Variants in NEB observed in about 807,000 individuals in gnomAD.
NEB encodes nemaline myopathy type 2.
Under a neutral mutation model 952.2 loss-of-function variants are expected in NEB, and 512 were observed. That is an observed-to-expected ratio of 0.54 (90% CI 0.50 to 0.58). NEB has a LOEUF of 0.58. Ranked by LOEUF, NEB falls within the 20% of genes least tolerant of loss-of-function variation. The pLI, the probability that NEB is intolerant of heterozygous loss-of-function variation, is 0.00. For synonymous variants in NEB, 2,900 were observed against 3,149.8 expected (o/e 0.92, Z 2.66); for missense variants, 8,428 against 9,231.1 (o/e 0.91, Z 3.56).
Position 151,506,259 on chromosome 2 carries a change from C to T in NEB, c.23557-1G>A. On this transcript the variant is annotated splice_acceptor_variant, in intron 163 of 181. Coordinates refer to ENST00000397345, the MANE Select transcript of NEB (RefSeq NM_001164508.2). LOFTEE classifies it high-confidence loss of function. The stretch of plus-strand genomic sequence containing the variant: ...GTGAGACATCCTCTTTATATAAAAC[C>T]TGGGCATTCAGAATCAGGACAGTGT... 3 of 1,608,484 alleles carry T rather than the reference C, an allele frequency of 1.9e-6. No individual in the cohort carries two copies. The highest frequency in any genetic ancestry group is 2.6e-6 in the Non-Finnish European group (3 of 1,175,014).
At chr2:151,663,361 C>T (rs556472871) in intron 45 of NEB, among the ~76,000 whole-genome samples, 187 bp downstream of exon 45, 10 of 152,282 alleles carry the variant, frequency 6.6e-5, no homozygotes, top group Admixed American at 6.5e-4. Context: ...GAAAACAAGA[C>T]TTTAGTTTCT....
intron 151 of NEB, 104 bp from the exon 152 acceptor site, chr2:151,524,720 G>A (rs2084501150): frequency 2.2e-6 from 2 of 892,424 alleles, no homozygotes; most frequent in East Asian, 2.6e-5. Flanking sequence ...AGGCTTGAGT[G>A]CAGTGGTACA....
chr2:151,689,695 A>G (rs911625890), intron 24 of NEB: 16 of 152,346 alleles, frequency 1.1e-4, no homozygotes, highest in African/African-American at 3.4e-4. Context: ...ACCTAAGCCA[A>G]TAAGAAGAGT....
intron 164 of NEB, 81 bp from the exon 165 acceptor site, chr2:151,505,651 A>G (rs1559331251): frequency 2.5e-6 from 3 of 1,198,018 alleles, no homozygotes; most frequent in South Asian, 1.2e-5. Context: ...TGTTTTTTGT[A>G]GCCCCCAAAT....
intron 65 of NEB, 140 bp downstream of exon 65, chr2:151,633,514 C>G: frequency 8.0e-7 from 1 of 1,244,244 alleles, no homozygotes; most frequent in Non-Finnish European, 1.1e-6. Context: ...CATAATAAAG[C>G]AATAAAATTG....
At chr2:151,710,038 G>A (rs1394659611) in intron 11 of NEB, among the ~76,000 whole-genome samples, 1 of 152,178 alleles carries the variant, frequency 6.6e-6, no homozygotes, top group African/African-American at 2.4e-5. Flanking sequence ...GGGAACTTAA[G>A]AGAAAAGAAA....
At chr2:151,502,636 C>T (rs566465441) in intron 167 of NEB, among the ~76,000 whole-genome samples, 157 bp downstream of exon 167, 3 of 152,038 alleles carry the variant, frequency 2.0e-5, no homozygotes, top group South Asian at 4.2e-4. Context: ...AAATTTCACA[C>T]CAGAACTAAA....
In NEB at chr2:151,627,799, G is replaced by A. The variant is rs150283068; in HGVS notation, c.9867C>T (p.Gly3289=). 2.2e-5 allele frequency: 35 copies of A among 1,613,914 alleles called. No individual in the cohort carries two copies. The African/African-American group carries it at 4.4e-4, about 20-fold the overall frequency. Reference sequence around the variant, plus strand: ...CAATGTTCCGGGCTCCAATGTGGTGGCCGAGCTGCTTGCGGTAACCATCTT... The same window carrying A: ...CAATGTTCCGGGCTCCAATGTGGTGACCGAGCTGCTTGCGGTAACCATCTT... The part of the protein sequence containing the change: ...KYKDGYRKQL[G]HHIGARNIED... Residue 3289 remains glycine, a synonymous_variant, in exon 69 of 182, where the codon GGC becomes GGT. Coordinates refer to ENST00000397345, the MANE Select transcript of NEB (RefSeq NM_001164508.2).
chr2:151,563,864 G>A lies in NEB; in HGVS notation c.18538C>T (p.Pro6180Ser). 1 of 1,613,160 alleles carries A rather than the reference G, an allele frequency of 6.2e-7. No individual in the cohort carries two copies. The highest frequency in any genetic ancestry group is 1.1e-5 in the South Asian group (1 of 90,996). ...YGYTLDERYI[P>S]IVGAKHADLV... ...TCAGCATGCTTGGCTCCAACAATGG[G>A]AATGTAGCGCTCATCCAGGGTGTAG... Residue 6180 changes from proline to serine, a missense_variant, in exon 118 of 182, where the codon CCC (proline) becomes TCC (serine). Pro to Ser is a moderately conservative substitution (Grantham distance 74, BLOSUM62 -1). Transcript: ENST00000397345.
At position 151,678,177 on chromosome 2, in the gene NEB, TTG is replaced by T. The variant is rs2099386637; in HGVS notation, c.3264_3265del (p.Tyr1088Ter). 1 of 1,603,910 alleles carries T rather than the reference TTG, an allele frequency of 6.2e-7. No homozygotes were observed. Among genetic ancestry groups the T allele is most frequent in the Non-Finnish European group, 8.5e-7 (1 of 1,174,220 alleles). On this transcript the variant is annotated stop_gained and frameshift_variant, in exon 33 of 182. Coordinates refer to ENST00000397345, the MANE Select transcript of NEB (RefSeq NM_001164508.2). LOFTEE classifies it high-confidence loss of function. Reference sequence around the variant, plus strand: ...CCCTTTAGCCTTTTCATAGTCTTTTTTGTACTGAACCTATTGTAAACAAAGGT... The same window carrying T: ...CCCTTTAGCCTTTTCATAGTCTTTTTTACTGAACCTATTGTAAACAAAGGT...
intron 110 of NEB, among the ~76,000 whole-genome samples, chr2:151,569,062 A>T (rs766233628): frequency 1.3e-5 from 2 of 152,228 alleles, no homozygotes; most frequent in Non-Finnish European, 2.9e-5. Flanking sequence ...AATGCCAAGC[A>T]TCAGTGAGTG....
chr2:151,692,088 A>G lies in NEB; in HGVS notation c.2077T>C (p.Cys693Arg). Reference protein sequence around the residue: ...GSMEDPYHTHCMKVAAQNSDK... With the variant: ...GSMEDPYHTHRMKVAAQNSDK... ...CTGTTTTGAGCTGCAACTTTCATGCAGTGTGTGTGATATGGGTCCTCCATG... is the reference window on the plus strand; with the variant it reads ...CTGTTTTGAGCTGCAACTTTCATGCGGTGTGTGTGATATGGGTCCTCCATG... The change falls in exon 22 of 182, where the codon TGC becomes CGC. Residue 693 changes from cysteine (C) to arginine (R), a missense_variant. Around this residue, in one of 11 missense-constraint regions of NEB, gnomAD observed 2,851 missense variants for 2,791.5 expected, o/e 1.02. Coordinates refer to ENST00000397345, the MANE Select transcript of NEB (RefSeq NM_001164508.2). 1 of 1,613,960 alleles carries G rather than the reference A, an allele frequency of 6.2e-7. No individual in the cohort carries two copies. The highest frequency in any genetic ancestry group is 8.5e-7 in the Non-Finnish European group (1 of 1,179,848).
rs941426217 is a variant in NEB at position 151,497,599 on chromosome 2, AG to A, written c.24300+26del. On this transcript the variant is annotated intron_variant, in intron 171 of 181. Transcript: ENST00000397345. ...AAGTTTTCAAAATCATTAAATAAGTAGTTTTTTTCTTTTCTTGCCAAAGTAC... is the reference window on the plus strand; with the variant it reads ...AAGTTTTCAAAATCATTAAATAAGTATTTTTTTCTTTTCTTGCCAAAGTAC... The A allele has an allele frequency of 3.2e-6, 5 of 1,546,648 alleles. No individual in the cohort carries two copies. In the African/African-American group the frequency reaches 6.9e-5, roughly 21 times the overall value.
intron 169 of NEB, 41 bp downstream of exon 169, chr2:151,499,257 A>AT: frequency 9.2e-7 from 1 of 1,088,756 alleles, no homozygotes; most frequent in Non-Finnish European, 1.3e-6. Context: ...CTTTTTAAAC[A>AT]TTTTTTTAAA....
chr2:151,501,730 T>C (rs1219528419), intron 167 of NEB, among the ~76,000 whole-genome samples: 2 of 152,148 alleles, frequency 1.3e-5, no homozygotes, highest in African/African-American at 2.4e-5. Context: ...GCTTGACTTA[T>C]GTAGGCCTTC....
At chr2:151,533,369 C>A in intron 143 of NEB, 73 bp downstream of exon 143, 2 of 969,718 alleles carry the variant, frequency 2.1e-6, no homozygotes, top group Non-Finnish European at 1.6e-6. Flanking sequence ...AAGAGGAAAT[C>A]AATGAAAGCA....
intron 179 of NEB, 153 bp downstream of exon 179, chr2:151,491,530 C>T (rs1057095125): frequency 9.4e-6 from 6 of 635,150 alleles, no homozygotes; most frequent in Non-Finnish European, 1.6e-5. Flanking sequence ...GTAAGTTTTG[C>T]TCACTAGTTA....
intron 24 of NEB, 149 bp downstream of exon 24, chr2:151,690,578 G>C (rs938254830): frequency 2.6e-5 from 17 of 657,898 alleles, no homozygotes; most frequent in Non-Finnish European, 4.4e-5. Flanking sequence ...CAATCTAGCA[G>C]CCTCATTTGT....
At position 151,514,999 on chromosome 2, in the gene NEB, A is replaced by AG. The variant is rs2076834467; in HGVS notation, c.22906-72dup. On this transcript the variant is annotated intron_variant, in intron 157 of 181. Transcript: ENST00000397345. ...TACAATATATCTCTCCATCTCAGGA[A>AG]GAAAAAAAAAACAGCATTTTCTATG... is the stretch of plus-strand genomic sequence containing the variant. The AG allele has an allele frequency of 7.2e-6, 7 of 978,390 alleles. No homozygotes were observed. In the South Asian group the frequency reaches 9.2e-5, roughly 13 times the overall value. 60.6% of individuals were successfully genotyped at this position (978,390 alleles called of 1,614,324 possible).
Sources: allele counts gnomAD v4.1 joint callset (sites outside exome capture counted in the v4.1 genomes callset), GRCh38; gene constraint gnomAD v4.1.1; regional missense constraint gnomAD v4.1.1; transcripts MANE v1.5; gene names NCBI Gene and HGNC (gene_info 2026-07-23, HGNC 2026-07-21).